Variants in CCM2L observed in about 807,000 individuals in gnomAD.
The protein encoded by CCM2L is CCM2 like scaffold protein.
A neutral mutation model predicts 54.1 loss-of-function variants in CCM2L; 36 were observed. The ratio of observed to expected loss-of-function variants is 0.67; its 90% CI spans 0.51 to 0.88. The LOEUF is 0.88. Ranked by LOEUF, CCM2L falls within the 40% of genes least tolerant of loss-of-function variation. CCM2L has a pLI of 0.00. For missense variants in CCM2L, 700 were observed against 812.1 expected, an observed-to-expected ratio of 0.86 and a Z score of 1.68; for synonymous variants, 351 against 359.3, an observed-to-expected ratio of 0.98 and a Z score of 0.26.
At chr20:32,023,617 T>C (rs1890332552) in intron 6 of CCM2L, among the ~76,000 whole-genome samples, 1 of 152,274 alleles carries the variant, frequency 6.6e-6, no homozygotes, top group Non-Finnish European at 1.5e-5. Flanking sequence ...GTATCCCCTG[T>C]GCCTAGCACG....
chr20:32,017,785 C>T lies in CCM2L; in HGVS notation c.199-15C>T. 1.2e-6 allele frequency: 2 copies of T among 1,613,018 alleles called. No individual in the cohort carries two copies. Among genetic ancestry groups the T allele is most frequent in the Non-Finnish European group, 8.5e-7 (1 of 1,178,970 alleles). ...GACATCTCTGTGTCCTTCTCTCACC[C>T]CGATTTCCATCCAGTTCCTGGGCCA... is the stretch of plus-strand genomic sequence containing the variant. On this transcript the variant is annotated splice_polypyrimidine_tract_variant and intron_variant, in intron 2 of 9. Coordinates refer to ENST00000452892, the MANE Select transcript of CCM2L (RefSeq NM_001365692.1).
At chr20:32,025,400 C>T (rs2064849425) in intron 6 of CCM2L, among the ~76,000 whole-genome samples, 1 of 151,920 alleles carries the variant, frequency 6.6e-6, no homozygotes, top group Non-Finnish European at 1.5e-5. Context: ...TCTCAAGTAG[C>T]CGGGACCACA....
At position 32,028,977 on chromosome 20, in the gene CCM2L, T is replaced by C; in HGVS notation, c.1134-18T>C. 6.2e-7 allele frequency: 1 copy of C among 1,613,758 alleles called. No individual in the cohort carries two copies. The highest frequency in any genetic ancestry group is 8.5e-7 in the Non-Finnish European group (1 of 1,179,854). On this transcript the variant is annotated intron_variant, in intron 7 of 9. Transcript: ENST00000452892. ...GCTGGAGGGAGGCGAGTGAAGGCCC[T>C]TCTTCCCGTGCCTGCAGTAATGGCT...
At chr20:32,021,103 C>CT (rs2064803004) in intron 5 of CCM2L, among the ~76,000 whole-genome samples, 1 of 152,160 alleles carries the variant, frequency 6.6e-6, no homozygotes, top group Non-Finnish European at 1.5e-5. Flanking sequence ...CTGACAGTCT[C>CT]TTTCCCCACA....
chr20:32,019,126 G>A lies in CCM2L; in HGVS notation c.650G>A (p.Gly217Glu). The change falls in exon 5 of 10, where the codon GGG becomes GAG. Residue 217 changes from glycine to glutamate, a missense_variant. Coordinates refer to ENST00000452892, the MANE Select transcript of CCM2L (RefSeq NM_001365692.1). ...GGGGGCGCCGCGGAGGCCCGGGCCGGGGGAGGCGGCGGCGGCAGCTTGGAG... is the reference window on the plus strand; with the variant it reads ...GGGGGCGCCGCGGAGGCCCGGGCCGAGGGAGGCGGCGGCGGCAGCTTGGAG... Reference protein sequence around the residue: ...WGGGAAEARAGGGGGGSLERQ... With the variant: ...WGGGAAEARAEGGGGGSLERQ... 1 of 1,154,300 alleles carries A rather than the reference G, an allele frequency of 8.7e-7. No individual in the cohort carries two copies. The highest frequency in any genetic ancestry group is 1.1e-6 in the Non-Finnish European group (1 of 937,770). 71.5% of individuals were successfully genotyped at this position (1,154,300 alleles called of 1,614,324 possible). A position where few individuals can be genotyped will look rare whatever the true frequency, so the allele number is the denominator to read the frequency against.
In CCM2L at chr20:32,019,325, C is replaced by G; in HGVS notation, c.849C>G (p.Arg283=). 1.5e-6 allele frequency: 2 copies of G among 1,376,632 alleles called. No homozygotes were observed. Among genetic ancestry groups the G allele is most frequent in the Non-Finnish European group, 9.4e-7 (1 of 1,062,998 alleles). The allele number at this position is 1,376,632 out of a possible 1,614,324, so 85.3% of individuals were successfully genotyped here. The change falls in exon 5 of 10, where the codon CGC becomes CGG. Residue 283 remains arginine, a synonymous_variant. Coordinates refer to ENST00000452892, the MANE Select transcript of CCM2L (RefSeq NM_001365692.1). ...GSGGGGSWER[R]HPGPNPLDPQ... ...GCGGGGGAGGCAGCTGGGAGCGGCGCCACCCCGGCCCCAACCCGCTCGACC... is the reference window on the plus strand; with the variant it reads ...GCGGGGGAGGCAGCTGGGAGCGGCGGCACCCCGGCCCCAACCCGCTCGACC...
In CCM2L at chr20:32,029,011, A is replaced by G; in HGVS notation, c.1150A>G (p.Thr384Ala). 6.2e-7 allele frequency: 1 copy of G among 1,614,112 alleles called. No individual in the cohort carries two copies. The highest frequency in any genetic ancestry group is 8.5e-7 in the Non-Finnish European group (1 of 1,180,006). Residue 384 changes from threonine (T) to alanine (A), a missense_variant, in exon 8 of 10, where the codon ACC becomes GCC. By Grantham distance (58) the Thr-to-Ala change is moderately conservative (BLOSUM62 0). Coordinates refer to ENST00000452892, the MANE Select transcript of CCM2L (RefSeq NM_001365692.1). ...CCSSFNGSQD[T>A]FEACYSGTST... ...TGCCTGCAGTAATGGCTCCCAGGAC[A>G]CCTTTGAAGCATGTTACAGCGGCAC...
At chr20:32,028,783 A>C in intron 7 of CCM2L, 2 of 570,720 alleles carry the variant, frequency 3.5e-6, no homozygotes. Flanking sequence ...TAGTAGAGGA[A>C]GAAGGAGAAG....
intron 5 of CCM2L, among the ~76,000 whole-genome samples, chr20:32,019,907 C>T (rs1173651112): frequency 6.6e-6 from 1 of 152,182 alleles, no homozygotes; most frequent in Non-Finnish European, 1.5e-5. Flanking sequence ...GATTCAAATC[C>T]AGTAAGTTCA....
rs878977010 is a variant in CCM2L at position 32,029,829 on chromosome 20, C to T, written c.1393C>T (p.Leu465Phe). The change falls in exon 9 of 10, where the codon CTC (leucine) becomes TTC (phenylalanine). Residue 465 changes from leucine (L) to phenylalanine (F), a missense_variant. Coordinates refer to ENST00000452892, the MANE Select transcript of CCM2L (RefSeq NM_001365692.1). ...GCTCTACGGAGACCGGCGCAAGTTC[C>T]TCCTCCTTGGTGAGCCCCCGCTGTA... is the stretch of plus-strand genomic sequence containing the variant. ...LKLYGDRRKFLLLGMRPFIPD... is the reference protein window; with the variant it reads ...LKLYGDRRKFFLLGMRPFIPD... The T allele has an allele frequency of 6.2e-7, 1 of 1,603,928 alleles. No individual in the cohort carries two copies. Among genetic ancestry groups the T allele is most frequent in the Admixed American group, 1.7e-5 (1 of 59,294 alleles).
chr20:32,014,246 CAT>C (rs572945733), intron 1 of CCM2L, among the ~76,000 whole-genome samples: 2,382 of 137,380 alleles, frequency 0.017, 73 homozygotes, highest in African/African-American at 0.056. Flanking sequence ...TATGTGTGTA[CAT>C]ATATATATAT....
At chr20:32,024,255 T>A (rs908472710) in intron 6 of CCM2L, among the ~76,000 whole-genome samples, 8 of 152,216 alleles carry the variant, frequency 5.3e-5, no homozygotes, top group African/African-American at 1.9e-4. Context: ...AGAGTGCTCG[T>A]TCTTTTCTTC....
chr20:32,022,707 C>A lies in CCM2L; in HGVS notation c.981C>A (p.Ile327=), dbSNP rs1391792489. Residue 327 remains isoleucine, a synonymous_variant, in exon 6 of 10, where the codon ATC becomes ATA. Transcript: ENST00000452892. The stretch of plus-strand genomic sequence containing the variant: ...CACTCATCTGTCAGGTCTTCCAGAT[C>A]ATCTACGGGGACCAGAGTATTGAGT... ...SCALICQVFQ[I]IYGDQSIECV... 11 of 1,614,084 alleles carry A rather than the reference C, an allele frequency of 6.8e-6. No individual in the cohort carries two copies. Among genetic ancestry groups the A allele is most frequent in the Middle Eastern group, 1.6e-4 (1 of 6,072 alleles).
intron 2 of CCM2L, among the ~76,000 whole-genome samples, chr20:32,016,828 C>T (rs1442944752): frequency 6.6e-6 from 1 of 151,740 alleles, no homozygotes; most frequent in African/African-American, 2.4e-5. Flanking sequence ...GGTGGATTCA[C>T]CTAGAGGAAT....
Position 32,019,098 on chromosome 20 carries a change from G to A in CCM2L, c.622G>A (p.Gly208Ser), listed in dbSNP as rs2064772958. The change falls in exon 5 of 10, where the codon GGT becomes AGT. Residue 208 changes from glycine to serine, a missense_variant. Gly to Ser is a moderately conservative substitution (Grantham distance 56). Coordinates refer to ENST00000452892, the MANE Select transcript of CCM2L (RefSeq NM_001365692.1). The part of the protein sequence containing the change: ...ICSLDWRMGW[G>S]GGAAEARAGG... The stretch of plus-strand genomic sequence containing the variant: ...CAGCCTGGACTGGCGGATGGGGTGG[G>A]GTGGGGGCGCCGCGGAGGCCCGGGC... The A allele has an allele frequency of 2.5e-6, 3 of 1,186,606 alleles. No individual in the cohort carries two copies. Among genetic ancestry groups the A allele is most frequent in the East Asian group, 3.6e-5 (1 of 27,416 alleles). The allele number at this position is 1,186,606 out of a possible 1,614,324, so 73.5% of individuals were successfully genotyped here. A position where few individuals can be genotyped will look rare whatever the true frequency, so the allele number is the denominator to read the frequency against.
At chr20:32,011,166 C>T (rs1390539975) in intron 1 of CCM2L, among the ~76,000 whole-genome samples, 1 of 148,922 alleles carries the variant, frequency 6.7e-6, no homozygotes, top group Non-Finnish European at 1.5e-5. Context: ...CTAAAAGGTG[C>T]CCACATGAAT....
rs2064926579 is a variant in CCM2L at position 32,031,402 on chromosome 20, C to T, written c.*88C>T. Reference sequence around the variant, plus strand: ...GACCCTATCCCCAGGGCCCCCCCATCACACCTGGCGGGGCCGGGGGGTCTT... The same window carrying T: ...GACCCTATCCCCAGGGCCCCCCCATTACACCTGGCGGGGCCGGGGGGTCTT... On this transcript the variant is annotated 3_prime_UTR_variant, in exon 10 of 10. Transcript: ENST00000452892. 8.9e-7 allele frequency: 1 copy of T among 1,120,644 alleles called. No individual in the cohort carries two copies. The highest frequency in any genetic ancestry group is 3.9e-4 in the Middle Eastern group (1 of 2,532). 69.4% of individuals were successfully genotyped at this position (1,120,644 alleles called of 1,614,324 possible). A position where few individuals can be genotyped will look rare whatever the true frequency, so the allele number is the denominator to read the frequency against.
chr20:32,031,262 A>C lies in CCM2L; in HGVS notation c.1664A>C (p.Glu555Ala). 1.5e-6 allele frequency: 2 copies of C among 1,296,898 alleles called. No homozygotes were observed. Among genetic ancestry groups the C allele is most frequent in the Non-Finnish European group, 2.0e-6 (2 of 988,420 alleles). The allele number at this position is 1,296,898 out of a possible 1,614,324, so 80.3% of individuals were successfully genotyped here. A position where few individuals can be genotyped will look rare whatever the true frequency, so the allele number is the denominator to read the frequency against. ...GATGACGACGACGACGACGAGGATG[A>C]GCCCCGGGGCTCCAGGGGCGGGAGC... ...APDDDDDDED[E>A]PRGSRGGSDA... is the part of the protein sequence containing the mutation. The change falls in exon 10 of 10, where the codon GAG becomes GCG. Residue 555 changes from glutamate to alanine, a missense_variant. Glu to Ala is a moderately radical substitution (Grantham distance 107). Coordinates refer to ENST00000452892, the MANE Select transcript of CCM2L (RefSeq NM_001365692.1).
chr20:32,013,759 T>G (rs1214304551), intron 1 of CCM2L, among the ~76,000 whole-genome samples: 1 of 151,970 alleles, frequency 6.6e-6, no homozygotes, highest in Non-Finnish European at 1.5e-5. Context: ...CTTCCCCAGG[T>G]AGTACTAAAG....
Sources: gnomAD v4.1 joint callset for allele counts (sites outside exome capture counted in the v4.1 genomes callset) on GRCh38, gnomAD v4.1.1 for gene constraint, MANE v1.5 for transcripts, NCBI Gene and HGNC (gene_info 2026-07-23, HGNC 2026-07-21) for gene names.